Variants in GARNL3 observed in about 807,000 individuals in gnomAD.
GARNL3 encodes the protein GTPase activating Rap/RanGAP domain like 3, also known as GTPase-activating Rap/Ran-GAP domain-like protein 3.
In GARNL3, 63 loss-of-function variants were observed where a neutral mutation model predicts 125.0. That is an observed-to-expected ratio of 0.50 (90% confidence interval 0.41 to 0.62). The LOEUF (loss-of-function observed/expected upper bound fraction) is 0.62, where lower values mean the gene tolerates loss of function less well. GARNL3 is among the 20% of genes least tolerant of loss of function. GARNL3 has a pLI of 0.00. For synonymous variants in GARNL3, 439 were observed against 457.5 expected (o/e 0.96, Z 0.52); for missense variants, 994 against 1,244.0 (o/e 0.80, Z 3.02).
intron 1 of GARNL3, among the ~76,000 whole-genome samples, chr9:127,287,714 G>A (rs1227127611): frequency 6.6e-6 from 1 of 152,228 alleles, no homozygotes; most frequent in Admixed American, 6.5e-5. Flanking sequence ...CCTCAGGCAG[G>A]TCCTGCCAGC....
chr9:127,351,211 T>C (rs1311792506), intron 17 of GARNL3, among the ~76,000 whole-genome samples: 1 of 152,228 alleles, frequency 6.6e-6, no homozygotes, highest in Non-Finnish European at 1.5e-5. Context: ...TTGAGTTGCC[T>C]CTATTTTTTT....
At chr9:127,291,051 C>A (rs2064399876) in intron 1 of GARNL3, 117 bp from the exon 2 acceptor site, 2 of 1,003,214 alleles carry the variant, frequency 2.0e-6, no homozygotes, top group Non-Finnish European at 3.0e-6. Context: ...AAACTGTTAG[C>A]TTCTAGGCTG....
intron 3 of GARNL3, 172 bp from the exon 4 acceptor site, chr9:127,313,269 G>A (rs1163354919): frequency 3.2e-6 from 2 of 623,104 alleles, no homozygotes; most frequent in Non-Finnish European, 5.8e-6. Context: ...ACTAGCAAGG[G>A]GCAGAGGAAT....
intron 1 of GARNL3, among the ~76,000 whole-genome samples, chr9:127,279,342 A>G (rs945462525): frequency 6.6e-6 from 1 of 151,950 alleles, no homozygotes; most frequent in Non-Finnish European, 1.5e-5. Flanking sequence ...CTTCTGTTAT[A>G]TCTTTGATTA....
intron 1 of GARNL3, among the ~76,000 whole-genome samples, chr9:127,282,378 G>T (rs1300559216): frequency 6.6e-6 from 1 of 152,028 alleles, no homozygotes; most frequent in African/African-American, 2.4e-5. Context: ...CACTTATTAT[G>T]TCCAGGTACT....
At chr9:127,359,573 A>C (rs1337776580) in intron 21 of GARNL3, among the ~76,000 whole-genome samples, 1 of 152,208 alleles carries the variant, frequency 6.6e-6, no homozygotes, top group Non-Finnish European at 1.5e-5. Flanking sequence ...ATGGTGCAGC[A>C]GGTCCTTGTT....
At chr9:127,283,302 G>A (rs549299626) in intron 1 of GARNL3, among the ~76,000 whole-genome samples, 38 of 152,294 alleles carry the variant, frequency 2.5e-4, no homozygotes, top group Non-Finnish European at 4.6e-4. Flanking sequence ...GTCCAGTGTA[G>A]TAGTCACACA....
chr9:127,382,729 T>C (rs1182713086), intron 22 of GARNL3, among the ~76,000 whole-genome samples: 1 of 152,184 alleles, frequency 6.6e-6, no homozygotes, highest in Non-Finnish European at 1.5e-5. Flanking sequence ...CGTGGACTTG[T>C]GTTTAGAGCT....
intron 17 of GARNL3, 122 bp downstream of exon 17, chr9:127,349,157 A>G (rs1321366917): frequency 5.6e-6 from 4 of 709,014 alleles, no homozygotes; most frequent in African/African-American, 3.6e-5. Context: ...AGTTTAGCGA[A>G]GTTTTATTTC....
chr9:127,376,373 C>T (rs1237520883), intron 22 of GARNL3, among the ~76,000 whole-genome samples: 2 of 152,160 alleles, frequency 1.3e-5, no homozygotes, highest in Non-Finnish European at 1.5e-5. Flanking sequence ...CGCCTGCCAC[C>T]TTGCCCGGCT....
intron 19 of GARNL3, among the ~76,000 whole-genome samples, 198 bp from the exon 20 acceptor site, chr9:127,355,099 A>C (rs1830617905): frequency 6.6e-6 from 1 of 152,206 alleles, no homozygotes; most frequent in Non-Finnish European, 1.5e-5. Context: ...AGCTGGGAAT[A>C]GGACTTTCTT....
At chr9:127,275,743 G>A (rs1022916985) in intron 1 of GARNL3, among the ~76,000 whole-genome samples, 7 of 152,126 alleles carry the variant, frequency 4.6e-5, no homozygotes, top group African/African-American at 1.7e-4. Context: ...TGTTAGTTGA[G>A]CTATAAGTAA....
At chr9:127,335,204 A>C (rs768165575) in intron 9 of GARNL3, 26 bp from the exon 10 acceptor site, 1 of 1,486,286 alleles carries the variant, frequency 6.7e-7, no homozygotes. Context: ...CTCTGTGCTC[A>C]CTGAATGCAT....
intron 1 of GARNL3, among the ~76,000 whole-genome samples, chr9:127,238,828 G>A (rs932772581): frequency 8.5e-5 from 13 of 152,200 alleles, no homozygotes; most frequent in Non-Finnish European, 1.8e-4. Context: ...TCCTGTGCTC[G>A]GTAGTCTTGC....
chr9:127,361,407 A>C (rs901110107), intron 21 of GARNL3, among the ~76,000 whole-genome samples: 1 of 152,112 alleles, frequency 6.6e-6, no homozygotes, highest in African/African-American at 2.4e-5. Flanking sequence ...ATGCCCAGCC[A>C]GAACTACTTA....
chr9:127,225,776 C>T (rs1023764918), intron 1 of GARNL3, among the ~76,000 whole-genome samples: 14 of 20,224 alleles, frequency 6.9e-4, no homozygotes, highest in Non-Finnish European at 1.2e-3. Flanking sequence ...CGTGCCCTGG[C>T]AGCCGCACAC....
chr9:127,355,315 T>C lies in GARNL3; in HGVS notation c.1778T>C (p.Ile593Thr). 6.2e-7 allele frequency: 1 copy of C among 1,614,220 alleles called. No homozygotes were observed. Among genetic ancestry groups the C allele is most frequent in the Non-Finnish European group, 8.5e-7 (1 of 1,180,026 alleles). Residue 593 changes from isoleucine (I) to threonine (T), a missense_variant, in exon 20 of 28, where the codon ATT becomes ACT. By Grantham distance (89) the Ile-to-Thr change is moderately conservative. Transcript: ENST00000373387. ...EKTKGCHLYA[I>T]NTHHSRELRI... is the part of the protein sequence containing the mutation. The stretch of plus-strand genomic sequence containing the variant: ...CTCCCAGGCTGCCACCTGTATGCTA[T>C]TAACACTCACCACAGCAGAGAGCTG...
At chr9:127,313,767 C>A (rs551395600) in intron 4 of GARNL3, among the ~76,000 whole-genome samples, 5 of 151,762 alleles carry the variant, frequency 3.3e-5, no homozygotes, top group Non-Finnish European at 7.4e-5. Flanking sequence ...AAAAAAAAAA[C>A]TTATTTATTT....
At chr9:127,276,565 G>A (rs1276025330) in intron 1 of GARNL3, among the ~76,000 whole-genome samples, 3 of 152,060 alleles carry the variant, frequency 2.0e-5, no homozygotes, top group African/African-American at 7.2e-5. Flanking sequence ...TCTGTGCATG[G>A]GCGCATTTGC....
Sources: gnomAD v4.1 joint callset for allele counts (sites outside exome capture counted in the v4.1 genomes callset) on GRCh38, gnomAD v4.1.1 for gene constraint, MANE v1.5 for transcripts, NCBI Gene and HGNC (gene_info 2026-07-23, HGNC 2026-07-21) for gene names.